The following SLC7A8 variants were observed in gnomAD, a reference collection of about 807,000 sequenced individuals.
The protein encoded by SLC7A8 is large neutral amino acids transporter small subunit 2.
SLC7A8 carries 30 observed loss-of-function variants against 51.2 expected under a neutral mutation model. That is an observed-to-expected ratio of 0.59 (90% confidence interval 0.44 to 0.80). The LOEUF (loss-of-function observed/expected upper bound fraction) is 0.80, where lower values mean the gene tolerates loss of function less well. SLC7A8 is among the 30% of genes least tolerant of loss of function. SLC7A8 has a pLI of 0.00. For missense variants in SLC7A8, 612 were observed against 674.4 expected, an observed-to-expected ratio of 0.91 and a Z score of 1.03; for synonymous variants, 257 against 275.8, an observed-to-expected ratio of 0.93 and a Z score of 0.67.
intron 3 of SLC7A8, chr14:23,155,107 C>A: frequency 6.8e-7 from 1 of 1,474,766 alleles, no homozygotes; most frequent in South Asian, 1.2e-5. Context: ...ACAGATCTTG[C>A]CTATCGCACG....
chr14:23,168,017 A>C (rs1453635926), intron 1 of SLC7A8, among the ~76,000 whole-genome samples: 1 of 152,218 alleles, frequency 6.6e-6, no homozygotes, highest in Non-Finnish European at 1.5e-5. Flanking sequence ...TATTTGTCTC[A>C]AATATGTCTT....
intron 1 of SLC7A8, among the ~76,000 whole-genome samples, chr14:23,179,011 A>C (rs1188417969): frequency 6.6e-6 from 1 of 151,870 alleles, no homozygotes; most frequent in Non-Finnish European, 1.5e-5. Context: ...CACCTGGCTC[A>C]ATTTTTCTCA....
intron 7 of SLC7A8, among the ~76,000 whole-genome samples, chr14:23,134,437 CAAAAAA>C (rs57162273): frequency 3.1e-5 from 2 of 64,186 alleles, no homozygotes; most frequent in African/African-American, 1.4e-4. Flanking sequence ...ACCCTGTCTC[CAAAAAA>C]AAAAAAAAAA....
At chr14:23,133,458 A>T (rs2048659581) in intron 7 of SLC7A8, among the ~76,000 whole-genome samples, 1 of 151,840 alleles carries the variant, frequency 6.6e-6, no homozygotes, top group East Asian at 1.9e-4. Flanking sequence ...AAAAAAAAAA[A>T]AAAGAGAAAG....
In SLC7A8 at chr14:23,182,905, C is replaced by T. The variant is rs1290880022; in HGVS notation, c.10G>A (p.Gly4Arg). MEEGARHRNNTEKK... is the reference protein window; with the variant it reads MEERARHRNNTEKK... Reference sequence around the variant, plus strand: ...TCGGTGTTGTTTCGGTGCCTGGCTCCTTCTTCCATCCTTCTCAGTAGGATT... The same window carrying T: ...TCGGTGTTGTTTCGGTGCCTGGCTCTTTCTTCCATCCTTCTCAGTAGGATT... Residue 4 changes from glycine (G) to arginine (R), a missense_variant, in exon 1 of 11, where the codon GGA (glycine) becomes AGA (arginine). Coordinates refer to ENST00000316902, the MANE Select transcript of SLC7A8 (RefSeq NM_012244.4). 6.2e-7 allele frequency: 1 copy of T among 1,614,008 alleles called. No individual in the cohort carries two copies. The highest frequency in any genetic ancestry group is 2.2e-5 in the East Asian group (1 of 44,880).
Position 23,140,474 on chromosome 14 carries a change from T to G in SLC7A8, c.785A>C (p.Tyr262Ser), listed in dbSNP as rs1443842606. The G allele has an allele frequency of 6.2e-7, 1 of 1,611,758 alleles. No individual in the cohort carries two copies. Among genetic ancestry groups the G allele is most frequent in the Non-Finnish European group, 8.5e-7 (1 of 1,178,212 alleles). ...NYVTEELVDP[Y>S]KNLPRAIFIS... ...TAGCCAGGCTCTTTCAACTCACTTGTAGGGATCAACAAGCTCCTCAGTCAC... is the reference window on the plus strand; with the variant it reads ...TAGCCAGGCTCTTTCAACTCACTTGGAGGGATCAACAAGCTCCTCAGTCAC... The change falls in exon 5 of 11, where the codon TAC becomes TCC. Residue 262 changes from tyrosine (Y) to serine (S), a missense_variant. Tyr to Ser is a moderately radical substitution (Grantham distance 144). Transcript: ENST00000316902.
At chr14:23,180,774 G>A (rs1355028636) in intron 1 of SLC7A8, among the ~76,000 whole-genome samples, 4 of 152,182 alleles carry the variant, frequency 2.6e-5, no homozygotes, top group African/African-American at 9.7e-5. Context: ...AAAAACATCA[G>A]TATATAGGAA....
intron 2 of SLC7A8, 69 bp downstream of exon 2, chr14:23,166,267 A>G: frequency 1.9e-6 from 3 of 1,562,188 alleles, no homozygotes. Context: ...GCTTTTTCCA[A>G]TCTGACCTCC....
At chr14:23,131,617 C>T in intron 7 of SLC7A8, 60 bp from the exon 8 acceptor site, 1 of 1,362,904 alleles carries the variant, frequency 7.3e-7, no homozygotes, top group Non-Finnish European at 9.9e-7. Context: ...GCCCCAGCTC[C>T]TTCATCCTTG....
Position 23,166,551 on chromosome 14 carries a change from C to T in SLC7A8, c.152-11G>A, listed in dbSNP as rs769013182. 39 of 1,613,718 alleles carry T rather than the reference C, an allele frequency of 2.4e-5. No individual in the cohort carries two copies. Among genetic ancestry groups the T allele is most frequent in the Non-Finnish European group, 3.1e-5 (37 of 1,179,846 alleles). ...AGCCGATGATGTTCCCTGCATGAGGCACCAAGGGTAAGGAGGGGAGACAGT... is the reference window on the plus strand; with the variant it reads ...AGCCGATGATGTTCCCTGCATGAGGTACCAAGGGTAAGGAGGGGAGACAGT... On this transcript the variant is annotated splice_polypyrimidine_tract_variant and intron_variant, in intron 1 of 10. Transcript: ENST00000316902.
At chr14:23,158,906 C>G (rs1394282526) in intron 3 of SLC7A8, among the ~76,000 whole-genome samples, 1 of 152,158 alleles carries the variant, frequency 6.6e-6, no homozygotes, top group Non-Finnish European at 1.5e-5. Flanking sequence ...TCAGTCTTTT[C>G]TTTCCCAAAT....
chr14:23,131,376 G>A, intron 8 of SLC7A8, 85 bp downstream of exon 8: 1 of 1,110,712 alleles, frequency 9.0e-7, no homozygotes, highest in Non-Finnish European at 1.3e-6. Flanking sequence ...TAACAGGGGT[G>A]TGTGTGAAAA....
intron 1 of SLC7A8, among the ~76,000 whole-genome samples, chr14:23,178,908 A>AAAAG (rs1877042791): frequency 6.7e-6 from 1 of 149,158 alleles, no homozygotes; most frequent in Non-Finnish European, 1.5e-5. Context: ...AAAAAAAAAA[A>AAAAG]ATGAAGATGA....
In SLC7A8 at chr14:23,182,922, A is replaced by G. The variant is rs779039895; in HGVS notation, c.-8T>C. ...CCTGGCTCCTTCTTCCATCCTTCTC[A>G]GTAGGATTGCAACCTCAAAAGCTGC... On this transcript the variant is annotated 5_prime_UTR_variant, in exon 1 of 11. Transcript: ENST00000316902. 5.0e-6 allele frequency: 8 copies of G among 1,613,982 alleles called. No individual in the cohort carries two copies. In the East Asian group the frequency reaches 1.8e-4, roughly 36 times the overall value.
At chr14:23,160,514 TGA>T (rs1257900873) in intron 3 of SLC7A8, among the ~76,000 whole-genome samples, 206 of 143,658 alleles carry the variant, frequency 1.4e-3, no homozygotes, top group African/African-American at 5.2e-3. Context: ...GAGCTTGCAG[TGA>T]GCCGAGATCG....
chr14:23,181,773 A>G (rs1381554268), intron 1 of SLC7A8, among the ~76,000 whole-genome samples: 2 of 152,238 alleles, frequency 1.3e-5, no homozygotes, highest in African/African-American at 4.8e-5. Context: ...CCCCCTACCA[A>G]AGATAGCAGA....
intron 1 of SLC7A8, among the ~76,000 whole-genome samples, chr14:23,178,088 T>C (rs1185176477): frequency 6.6e-6 from 1 of 152,220 alleles, no homozygotes; most frequent in Non-Finnish European, 1.5e-5. Context: ...GAGCCTTTAT[T>C]TCCTATCTGG....
intron 3 of SLC7A8, among the ~76,000 whole-genome samples, chr14:23,148,435 C>T (rs1023805276): frequency 3.3e-5 from 5 of 152,086 alleles, no homozygotes; most frequent in African/African-American, 1.2e-4. Flanking sequence ...ACCATGTTGG[C>T]CAGGCTGGTC....
chr14:23,148,795 T>A (rs2048821004), intron 3 of SLC7A8, among the ~76,000 whole-genome samples: 1 of 152,182 alleles, frequency 6.6e-6, no homozygotes, highest in Admixed American at 6.5e-5. Flanking sequence ...CCTGAAGAAA[T>A]TCAGGCCTGC....
Sources: gnomAD v4.1 joint callset for allele counts (sites outside exome capture counted in the v4.1 genomes callset) on GRCh38, gnomAD v4.1.1 for gene constraint, MANE v1.5 for transcripts, NCBI Gene and HGNC (gene_info 2026-07-23, HGNC 2026-07-21) for gene names.